Variants in EML5 observed in about 807,000 individuals in gnomAD.
EML5 encodes the protein echinoderm microtubule-associated protein-like 5.
Under a neutral mutation model 250.0 loss-of-function variants are expected in EML5, and 120 were observed. The ratio of observed to expected loss-of-function variants is 0.48; its 90% confidence interval spans 0.41 to 0.56. The LOEUF (loss-of-function observed/expected upper bound fraction) is 0.56, where lower values mean the gene tolerates loss of function less well. EML5 is among the 20% of genes least tolerant of loss of function. EML5 has a pLI of 0.00. For synonymous variants in EML5, 771 were observed against 806.5 expected (o/e 0.96, Z 0.75); for missense variants, 2,006 against 2,437.6 (o/e 0.82, Z 3.73).
intron 17 of EML5, among the ~76,000 whole-genome samples, chr14:88,690,790 T>G (rs1203819483): frequency 6.6e-6 from 1 of 151,940 alleles, no homozygotes; most frequent in Non-Finnish European, 1.5e-5. Context: ...AGAGTTAGAG[T>G]GATGTCCTTG....
At chr14:88,640,034 A>G (rs553173971) in intron 31 of EML5, among the ~76,000 whole-genome samples, 1 of 152,306 alleles carries the variant, frequency 6.6e-6, no homozygotes, top group African/African-American at 2.4e-5. Flanking sequence ...ATGAGTTCAG[A>G]GCAGTAGGTT....
intron 35 of EML5, chr14:88,625,943 T>C (rs965602198): frequency 6.6e-6 from 1 of 152,148 alleles, no homozygotes; most frequent in Non-Finnish European, 1.5e-5. Context: ...AGGAAAGAGA[T>C]GTGGATTGGA....
intron 17 of EML5, among the ~76,000 whole-genome samples, chr14:88,693,763 CTTTT>C (rs71127002): frequency 0.017 from 1,057 of 62,840 alleles, 9 homozygotes; most frequent in African/African-American, 0.072. Context: ...ATGTTAACAT[CTTTT>C]TTTTTTTTTT....
In EML5 at chr14:88,649,451, TA is replaced by T. The variant is rs2091516785; in HGVS notation, c.4019+460del. On this transcript the variant is annotated intron_variant, in intron 28 of 43. Transcript: ENST00000554922. ...ATTTTCACATCACCAAAGGTAGATA[TA>T]AAAGTAACCCAAAGAGTCTTTACCT... 2.6e-5 allele frequency among the ~76,000 whole-genome samples: 4 copies of T among 152,322 alleles called. No homozygotes were observed. In the South Asian group the frequency reaches 8.3e-4, roughly 32 times the overall value.
chr14:88,780,589 T>C (rs1331938163), intron 1 of EML5, among the ~76,000 whole-genome samples: 2 of 152,090 alleles, frequency 1.3e-5, no homozygotes, highest in Non-Finnish European at 2.9e-5. Flanking sequence ...TTTTTTCTTT[T>C]AAGATGGAGT....
At chr14:88,688,232 C>A in intron 18 of EML5, 39 bp downstream of exon 18, 2 of 1,608,714 alleles carry the variant, frequency 1.2e-6, no homozygotes, top group East Asian at 2.2e-5. Context: ...CACTCCAGGA[C>A]AAATTTTGTT....
chr14:88,767,686 A>T (rs2094338637), intron 1 of EML5, among the ~76,000 whole-genome samples: 1 of 152,134 alleles, frequency 6.6e-6, no homozygotes, highest in Non-Finnish European at 1.5e-5. Context: ...AGAGCAAAAG[A>T]TTTTAATTTT....
chr14:88,724,293 A>G (rs1015293120), intron 8 of EML5, among the ~76,000 whole-genome samples: 1 of 147,646 alleles, frequency 6.8e-6, no homozygotes, highest in African/African-American at 2.6e-5. Flanking sequence ...AAAAAAAAAA[A>G]GTTATGTTCA....
At position 88,710,175 on chromosome 14, in the gene EML5, T is replaced by C. The variant is rs1016773205; in HGVS notation, c.1657+2096A>G. On this transcript the variant is annotated intron_variant, in intron 10 of 43. Transcript: ENST00000554922. ...GATTATGGTCAAGAGCAGGTGAAAC[T>C]AGAGAAAAAGAGGATGATAATGAAG... Among the ~76,000 whole-genome samples, 5 of 151,886 alleles carry C rather than the reference T, an allele frequency of 3.3e-5. No individual in the cohort carries two copies. In the East Asian group the frequency reaches 5.8e-4, roughly 18 times the overall value.
chr14:88,662,339 G>GT (rs71127000), intron 24 of EML5, among the ~76,000 whole-genome samples: 20,510 of 55,542 alleles, frequency 0.37, 4,742 homozygotes, highest in East Asian at 0.57. Context: ...AATTTTTCTT[G>GT]TTTTTTTTTT....
intron 11 of EML5, chr14:88,705,835 T>G: frequency 1.6e-6 from 1 of 623,720 alleles, no homozygotes; most frequent in Non-Finnish European, 3.0e-6. Context: ...GACCGCTACA[T>G]CAAATTTAAA....
At chr14:88,729,382 A>C (rs148143108) in intron 7 of EML5, among the ~76,000 whole-genome samples, 2 of 152,338 alleles carry the variant, frequency 1.3e-5, no homozygotes, top group East Asian at 3.9e-4. Flanking sequence ...CCTGTGGGCC[A>C]AACCAGGCCT....
intron 35 of EML5, chr14:88,626,487 G>C: frequency 4.9e-6 from 1 of 205,588 alleles, no homozygotes; most frequent in Non-Finnish European, 1.0e-5. Flanking sequence ...GCCTAGCATG[G>C]TGGTTCCTGC....
At chr14:88,789,238 G>C (rs1298114430) in intron 1 of EML5, among the ~76,000 whole-genome samples, 1 of 151,980 alleles carries the variant, frequency 6.6e-6, no homozygotes, top group African/African-American at 2.4e-5. Context: ...TAGATTTATA[G>C]ATTTTATATT....
At chr14:88,642,374 A>G (rs75225607) in intron 31 of EML5, among the ~76,000 whole-genome samples, 1,908 of 152,338 alleles carry the variant, frequency 0.013, 32 homozygotes, top group African/African-American at 0.044. Context: ...GAACATCAAG[A>G]AATAATTTTC....
intron 1 of EML5, among the ~76,000 whole-genome samples, chr14:88,771,730 T>C (rs2094395272): frequency 1.3e-5 from 2 of 152,210 alleles, no homozygotes; most frequent in Non-Finnish European, 2.9e-5. Context: ...TGTATGTCCT[T>C]ATTCCCCTCC....
intron 7 of EML5, among the ~76,000 whole-genome samples, chr14:88,730,145 A>G (rs1043341965): frequency 1.3e-5 from 2 of 152,162 alleles, no homozygotes; most frequent in African/African-American, 2.4e-5. Context: ...TTAAGGCACA[A>G]TGGAGCATGG....
chr14:88,619,300 GGTTGTGGTGAGCT>G (rs2088395467), intron 39 of EML5: 1 of 152,664 alleles, frequency 6.6e-6, no homozygotes. Flanking sequence ...AGGAGGCACA[GGTTGTGGTGAGCT>G]GAGATTGCAC....
intron 25 of EML5, among the ~76,000 whole-genome samples, chr14:88,658,710 C>T (rs1309507625): frequency 6.6e-6 from 1 of 151,986 alleles, no homozygotes; most frequent in African/African-American, 2.4e-5. Context: ...GGGATCTATG[C>T]TAAGAAATGC....
Sources: gnomAD v4.1 joint callset for allele counts (sites outside exome capture counted in the v4.1 genomes callset) on GRCh38, gnomAD v4.1.1 for gene constraint, MANE v1.5 for transcripts, NCBI Gene and HGNC (gene_info 2026-07-23, HGNC 2026-07-21) for gene names.